DAGLA: variants seen among roughly 807,000 people sequenced by gnomAD.
DAGLA encodes the protein diacylglycerol lipase alpha.
Under a neutral mutation model 102.6 loss-of-function variants are expected in DAGLA, and 22 were observed. The observed-to-expected ratio is 0.21, with a 90% CI of 0.15 to 0.31. DAGLA has a LOEUF of 0.31. Among genes scored for constraint, DAGLA ranks in the 10% least tolerant of loss-of-function variants. DAGLA has a pLI of 1.00. For missense variants in DAGLA, 927 were observed against 1,446.6 expected, an observed-to-expected ratio of 0.64 and a Z score of 5.83; for synonymous variants, 578 against 628.9, an observed-to-expected ratio of 0.92 and a Z score of 1.21.
chr11:61,683,936 AT>A (rs1259612881), intron 1 of DAGLA, among the ~76,000 whole-genome samples: 3 of 151,868 alleles, frequency 2.0e-5, no homozygotes, highest in African/African-American at 7.3e-5. Context: ...TCATATTCCC[AT>A]TTTCCTTGTC....
chr11:61,710,296 G>A (rs1342903138), intron 1 of DAGLA, among the ~76,000 whole-genome samples: 1 of 151,786 alleles, frequency 6.6e-6, no homozygotes, highest in Non-Finnish European at 1.5e-5. Context: ...GACTCTGGGG[G>A]GAGGAGCAGA....
intron 1 of DAGLA, among the ~76,000 whole-genome samples, chr11:61,692,125 A>C (rs951179471): frequency 2.0e-5 from 3 of 152,162 alleles, no homozygotes; most frequent in Admixed American, 6.5e-5. Context: ...AGTGCATTAG[A>C]GCCTGCTGTG....
intron 13 of DAGLA, among the ~76,000 whole-genome samples, chr11:61,736,638 C>T (rs369345725): frequency 1.3e-5 from 2 of 152,198 alleles, no homozygotes; most frequent in Non-Finnish European, 2.9e-5. Flanking sequence ...GCTGCAGAAC[C>T]GTTTGTCAGA....
At chr11:61,718,820 G>A (rs1041328916) in intron 1 of DAGLA, among the ~76,000 whole-genome samples, 4 of 152,178 alleles carry the variant, frequency 2.6e-5, no homozygotes, top group Non-Finnish European at 5.9e-5. Context: ...GAGGCGGGCC[G>A]GGCGGACATG....
chr11:61,721,150 C>G (rs1396981212), intron 3 of DAGLA, among the ~76,000 whole-genome samples: 2 of 152,102 alleles, frequency 1.3e-5, no homozygotes, highest in Admixed American at 6.5e-5. Flanking sequence ...AATCCCAGCA[C>G]TTTGGGAGGC....
rs1471657828 is a variant in DAGLA, at chr11:61,726,976, C to T, written c.636+894C>T. On this transcript the variant is annotated intron_variant, in intron 6 of 19. Transcript: ENST00000257215. ...GCTGCAAGGCAGGCCATGCAGAGGG[C>T]AGAGAGCCGGCCCCTGGCGGATGGA... 2.0e-5 allele frequency among the ~76,000 whole-genome samples: 3 copies of T among 152,214 alleles called. No homozygotes were observed. In the East Asian group the frequency reaches 5.8e-4, roughly 29 times the overall value.
intron 9 of DAGLA, among the ~76,000 whole-genome samples, chr11:61,733,069 G>C (rs1444035631): frequency 6.6e-6 from 1 of 152,222 alleles, no homozygotes; most frequent in Non-Finnish European, 1.5e-5. Context: ...CCTATTATAG[G>C]CCAGACCATT....
intron 1 of DAGLA, among the ~76,000 whole-genome samples, chr11:61,695,675 C>T (rs1182049576): frequency 1.3e-5 from 2 of 152,234 alleles, no homozygotes; most frequent in African/African-American, 4.8e-5. Flanking sequence ...TTCTTCTTGG[C>T]TCCTCTTTGC....
intron 6 of DAGLA, among the ~76,000 whole-genome samples, chr11:61,726,624 C>T (rs1252098867): frequency 6.6e-6 from 1 of 152,192 alleles, no homozygotes; most frequent in Non-Finnish European, 1.5e-5. Context: ...AGGGGTGCCC[C>T]GCAGCGGGCA....
At chr11:61,742,251 T>C in intron 19 of DAGLA, among the ~76,000 whole-genome samples, 1 of 152,112 alleles carries the variant, frequency 6.6e-6, no homozygotes. Context: ...GGCACGCACA[T>C]GGGGGCCACA....
intron 1 of DAGLA, among the ~76,000 whole-genome samples, chr11:61,682,888 AGG>A (rs2064955774): frequency 6.6e-6 from 1 of 151,412 alleles, no homozygotes; most frequent in Non-Finnish European, 1.5e-5. Context: ...TCAGACACAT[AGG>A]GGAAAGGAAA....
At chr11:61,730,493 C>G (rs923391887) in intron 8 of DAGLA, among the ~76,000 whole-genome samples, 2 of 152,138 alleles carry the variant, frequency 1.3e-5, no homozygotes, top group Non-Finnish European at 2.9e-5. Context: ...CCACCTATTT[C>G]ACTTCACAAG....
intron 1 of DAGLA, among the ~76,000 whole-genome samples, chr11:61,682,438 G>C (rs1325748182): frequency 3.3e-5 from 5 of 152,144 alleles, no homozygotes; most frequent in Non-Finnish European, 7.4e-5. Flanking sequence ...GTGGGGGCAA[G>C]TGGGATCTGT....
At position 61,733,625 on chromosome 11, in the gene DAGLA, G is replaced by A. The variant is rs146849010; in HGVS notation, c.975-1224G>A. ...GCTCCCTCTGGTGGCCTGAGGTGCC[G>A]CTGCACCTAGCTGGGTGCCCAGCTC... On this transcript the variant is annotated intron_variant, in intron 9 of 19. Coordinates refer to ENST00000257215, the MANE Select transcript of DAGLA (RefSeq NM_006133.3). Among the ~76,000 whole-genome samples the A allele has an allele frequency of 5.6e-3, 848 of 152,292 alleles. 11 individuals are homozygous for A. The highest frequency in any genetic ancestry group is 9.0e-3 in the Non-Finnish European group (611 of 68,016).
intron 1 of DAGLA, among the ~76,000 whole-genome samples, chr11:61,708,510 A>G (rs1437706433): frequency 6.6e-6 from 1 of 151,954 alleles, no homozygotes; most frequent in Non-Finnish European, 1.5e-5. Flanking sequence ...CCTCTCGAGT[A>G]GCTGGGACTA....
intron 1 of DAGLA, among the ~76,000 whole-genome samples, chr11:61,718,572 G>C (rs1253288817): frequency 6.6e-6 from 1 of 150,634 alleles, no homozygotes; most frequent in Admixed American, 6.6e-5. Flanking sequence ...CTGACGCCCC[G>C]GACCCCTGCA....
intron 1 of DAGLA, among the ~76,000 whole-genome samples, chr11:61,698,855 G>A (rs2065087591): frequency 6.6e-6 from 1 of 152,220 alleles, no homozygotes; most frequent in Non-Finnish European, 1.5e-5. Flanking sequence ...GGGGTTGGCG[G>A]GCCCTGGCAG....
At chr11:61,728,861 G>A in intron 7 of DAGLA, 70 bp from the exon 8 acceptor site, 2 of 1,411,038 alleles carry the variant, frequency 1.4e-6, no homozygotes, top group South Asian at 2.3e-5. Flanking sequence ...CCAGGGCCTG[G>A]GCCCCCTTTC....
chr11:61,741,142 C>T lies in DAGLA; in HGVS notation c.1984-20C>T, dbSNP rs1360612011. 2 of 1,595,270 alleles carry T rather than the reference C, an allele frequency of 1.3e-6. No individual in the cohort carries two copies. Among genetic ancestry groups the T allele is most frequent in the African/African-American group, 1.3e-5 (1 of 74,550 alleles). ...CTGATGTCCCTCCACCACCCCCAGC[C>T]TCCTCTGTCCTGTCCTCAGGTGCTG... On this transcript the variant is annotated intron_variant, in intron 18 of 19. Coordinates refer to ENST00000257215, the MANE Select transcript of DAGLA (RefSeq NM_006133.3).
Sources: gnomAD v4.1 joint callset for allele counts (sites outside exome capture counted in the v4.1 genomes callset) on GRCh38, gnomAD v4.1.1 for gene constraint, MANE v1.5 for transcripts, NCBI Gene and HGNC (gene_info 2026-07-23, HGNC 2026-07-21) for gene names.